TRAPPC8: variants seen among roughly 807,000 people sequenced by gnomAD.
The protein encoded by TRAPPC8 is general sporulation gene 1 homolog.
Under a neutral mutation model 174.3 loss-of-function variants are expected in TRAPPC8, and 54 were observed. The observed-to-expected ratio is 0.31, with a 90% CI of 0.25 to 0.39. TRAPPC8 has a LOEUF of 0.39. TRAPPC8 is among the 10% of genes least tolerant of loss of function. TRAPPC8 has a pLI of 1.00. For synonymous variants in TRAPPC8, 630 were observed against 579.9 expected, an observed-to-expected ratio of 1.09 and a Z score of -1.24; for missense variants, 1,531 against 1,699.1, an observed-to-expected ratio of 0.90 and a Z score of 1.74.
chr18:31,871,501 G>A (rs2034860002), intron 14 of TRAPPC8, among the ~76,000 whole-genome samples: 1 of 151,720 alleles, frequency 6.6e-6, no homozygotes, highest in Non-Finnish European at 1.5e-5. Flanking sequence ...ATCACAGATA[G>A]AGTCGATGTC....
At chr18:31,926,991 C>G (rs944192518) in intron 2 of TRAPPC8, among the ~76,000 whole-genome samples, 1 of 152,120 alleles carries the variant, frequency 6.6e-6, no homozygotes, top group Non-Finnish European at 1.5e-5. Flanking sequence ...TACTTAGAAG[C>G]ACATAATCAA....
At chr18:31,925,221 A>G (rs1174045626) in intron 2 of TRAPPC8, among the ~76,000 whole-genome samples, 1 of 152,054 alleles carries the variant, frequency 6.6e-6, no homozygotes, top group Non-Finnish European at 1.5e-5. Flanking sequence ...AAATCAAAAC[A>G]AATAAAAATA....
chr18:31,913,439 T>C lies in TRAPPC8; in HGVS notation c.701A>G (p.Asn234Ser). The change falls in exon 5 of 29, where the codon AAT (asparagine) becomes AGT (serine). Residue 234 changes from asparagine to serine, a missense_variant. Asn to Ser is a conservative substitution (Grantham distance 46). Coordinates refer to ENST00000283351, the MANE Select transcript of TRAPPC8 (RefSeq NM_014939.5). ...TGGTATCTGTTCATCTGATGCTCGA[T>C]TAGATGTTCGAGAATTAATTTTAAG... ...YLLKINSRTS[N>S]RASDEQIPDP... is the part of the protein sequence containing the mutation. 1 of 1,611,592 alleles carries C rather than the reference T, an allele frequency of 6.2e-7. No individual in the cohort carries two copies. Among genetic ancestry groups the C allele is most frequent in the Non-Finnish European group, 8.5e-7 (1 of 1,179,396 alleles).
At position 31,881,789 on chromosome 18, in the gene TRAPPC8, GA is replaced by G. The variant is rs545262894; in HGVS notation, c.1729-7086del. Among the ~76,000 whole-genome samples the G allele has an allele frequency of 3.3e-5, 5 of 150,960 alleles. No individual in the cohort carries two copies. In the East Asian group the frequency reaches 9.7e-4, roughly 29 times the overall value. The stretch of plus-strand genomic sequence containing the variant: ...AGAATCTAAAAGTAACTTAAATCAA[GA>G]AAAAAAATCAAATAATCCCATTAAA... On this transcript the variant is annotated intron_variant, in intron 12 of 28. Transcript: ENST00000283351.
intron 9 of TRAPPC8, among the ~76,000 whole-genome samples, chr18:31,905,431 T>G (rs1466882140): frequency 1.3e-5 from 2 of 152,206 alleles, no homozygotes; most frequent in Non-Finnish European, 2.9e-5. Context: ...ACCACCAGCC[T>G]TGCACAGCTC....
chr18:31,912,641 A>G (rs1318568430), intron 5 of TRAPPC8, among the ~76,000 whole-genome samples: 1 of 152,092 alleles, frequency 6.6e-6, no homozygotes, highest in Non-Finnish European at 1.5e-5. Flanking sequence ...AGCCTTGGCG[A>G]CAGAGCAACA....
intron 9 of TRAPPC8, among the ~76,000 whole-genome samples, chr18:31,902,290 C>T (rs2036462707): frequency 6.6e-6 from 1 of 152,190 alleles, no homozygotes; most frequent in Non-Finnish European, 1.5e-5. Flanking sequence ...GAGATAGTGC[C>T]ACTGCACTCT....
At chr18:31,925,554 G>C (rs1159644542) in intron 2 of TRAPPC8, among the ~76,000 whole-genome samples, 2 of 152,118 alleles carry the variant, frequency 1.3e-5, no homozygotes, top group Non-Finnish European at 2.9e-5. Context: ...AGTAGTTTCA[G>C]AAAGAACAGA....
At position 31,867,388 on chromosome 18, in the gene TRAPPC8, G is replaced by T; in HGVS notation, c.2463+14C>A. On this transcript the variant is annotated intron_variant, in intron 17 of 28. Transcript: ENST00000283351. ...TCAGAAAGGCATAAAGCAGAGAAAT[G>T]ATAAAATAATTACCACTTTTGATTC... 6.4e-7 allele frequency: 1 copy of T among 1,563,558 alleles called. No homozygotes were observed. The highest frequency in any genetic ancestry group is 1.1e-5 in the South Asian group (1 of 89,198).
chr18:31,876,489 C>CAAACAAAAAAA (rs2035153288), intron 12 of TRAPPC8, among the ~76,000 whole-genome samples: 1 of 48,722 alleles, frequency 2.1e-5, no homozygotes, highest in Non-Finnish European at 3.6e-5. Context: ...GACTCCATCT[C>CAAACAAAAAAA]AAAAAAAAAA....
At position 31,942,963 on chromosome 18, in the gene TRAPPC8, C is replaced by G. The variant is rs1234894079; in HGVS notation, c.-199G>C. 9.0e-7 allele frequency: 1 copy of G among 1,108,478 alleles called. No individual in the cohort carries two copies. Among genetic ancestry groups the G allele is most frequent in the Non-Finnish European group, 1.1e-6 (1 of 873,568 alleles). 68.7% of individuals were successfully genotyped at this position (1,108,478 alleles called of 1,614,324 possible). On this transcript the variant is annotated 5_prime_UTR_variant, in exon 1 of 29. Transcript: ENST00000283351. ...CACAATCCACTGACCCCCCCCTTCC[C>G]GTCACCGCCGCTTCTCAGCGCTCGT...
chr18:31,911,380 G>A (rs1313356223), intron 5 of TRAPPC8, among the ~76,000 whole-genome samples: 4 of 151,652 alleles, frequency 2.6e-5, no homozygotes, highest in Admixed American at 6.6e-5. Context: ...GAACCCAGGA[G>A]GTGGAGGTTG....
chr18:31,849,603 C>T lies in TRAPPC8; in HGVS notation c.3698G>A (p.Cys1233Tyr), dbSNP rs1031193981. The change falls in exon 25 of 29, where the codon TGC (cysteine) becomes TAC (tyrosine). Residue 1233 changes from cysteine (C) to tyrosine (Y), a missense_variant. Physicochemically the swap from Cys to Tyr is radical, Grantham distance 194. Coordinates refer to ENST00000283351, the MANE Select transcript of TRAPPC8 (RefSeq NM_014939.5). ...GACAATATTCAAATCTACCTCACTG[C>T]ATTTTTGAATCAATCTCACAGCATC... Reference protein sequence around the residue: ...TEDAVRLIQKCSEVDLNIVIL... With the variant: ...TEDAVRLIQKYSEVDLNIVIL... 1.2e-6 allele frequency: 2 copies of T among 1,610,888 alleles called. No individual in the cohort carries two copies. The highest frequency in any genetic ancestry group is 8.5e-7 in the Non-Finnish European group (1 of 1,178,932).
rs763453615 is a variant in TRAPPC8, at chr18:31,942,687, G to T, written c.78C>A (p.Asp26Glu). Reference sequence around the variant, plus strand: ...TGAGACGAGTGAGCCGCTCGGCTTCGTCGCTGCACAGCGCAGCGACACAGG... The same window carrying T: ...TGAGACGAGTGAGCCGCTCGGCTTCTTCGCTGCACAGCGCAGCGACACAGG... ...FVPCVAALCSDEAERLTRLNH... is the reference protein window; with the variant it reads ...FVPCVAALCSEEAERLTRLNH... The change falls in exon 1 of 29, where the codon GAC (aspartate) becomes GAA (glutamate). Residue 26 changes from aspartate (D) to glutamate (E), a missense_variant. Physicochemically the swap from Asp to Glu is conservative, Grantham distance 45 (BLOSUM62 2). Transcript: ENST00000283351. 1 of 1,608,952 alleles carries T rather than the reference G, an allele frequency of 6.2e-7. No individual in the cohort carries two copies. Among genetic ancestry groups the T allele is most frequent in the Non-Finnish European group, 8.5e-7 (1 of 1,177,882 alleles).
At chr18:31,865,195 C>T (rs1428488409) in intron 18 of TRAPPC8, among the ~76,000 whole-genome samples, 3 of 152,046 alleles carry the variant, frequency 2.0e-5, no homozygotes. Flanking sequence ...TACTTTTACT[C>T]ATATTCAAAT....
intron 11 of TRAPPC8, 129 bp downstream of exon 11, chr18:31,897,657 T>G: frequency 1.7e-6 from 1 of 574,162 alleles, no homozygotes; most frequent in African/African-American, 1.9e-5. Context: ...ATAGCCATGT[T>G]GTAAATTCCC....
At chr18:31,930,302 T>C (rs977763903) in intron 2 of TRAPPC8, among the ~76,000 whole-genome samples, 3 of 151,962 alleles carry the variant, frequency 2.0e-5, no homozygotes, top group African/African-American at 7.3e-5. Flanking sequence ...GTATTTTTAG[T>C]AGAGACGGGG....
At chr18:31,884,814 C>T (rs2035625376) in intron 12 of TRAPPC8, among the ~76,000 whole-genome samples, 1 of 151,360 alleles carries the variant, frequency 6.6e-6, no homozygotes, top group South Asian at 2.1e-4. Context: ...TGAGACCACG[C>T]TGGGCAACAC....
intron 9 of TRAPPC8, among the ~76,000 whole-genome samples, chr18:31,902,566 C>G (rs1176781068): frequency 6.6e-6 from 1 of 152,072 alleles, no homozygotes; most frequent in Admixed American, 6.5e-5. Flanking sequence ...CTCCATGGGC[C>G]TCTGATATGC....
Sources: gnomAD v4.1 joint callset for allele counts (sites outside exome capture counted in the v4.1 genomes callset) on GRCh38, gnomAD v4.1.1 for gene constraint, MANE v1.5 for transcripts, NCBI Gene and HGNC (gene_info 2026-07-23, HGNC 2026-07-21) for gene names.